The following IRF9 variants were observed in gnomAD, a reference collection of about 807,000 sequenced individuals.
The protein encoded by IRF9 is interferon regulatory factor 9.
In IRF9, 13 loss-of-function variants were observed where a neutral mutation model predicts 44.1. The ratio of observed to expected loss-of-function variants is 0.29; its 90% confidence interval spans 0.19 to 0.47. The LOEUF (loss-of-function observed/expected upper bound fraction) is 0.47. Among genes scored for constraint, IRF9 ranks in the 20% least tolerant of loss-of-function variants. IRF9 has a pLI of 1.00. For missense variants in IRF9, 373 were observed against 496.1 expected (o/e 0.75, Z 2.36); for synonymous variants, 189 against 188.5 (o/e 1.00, Z -0.02).
chr14:24,165,580 G>A (rs540908108), intron 7 of IRF9: 16 of 543,772 alleles, frequency 2.9e-5, no homozygotes, highest in Non-Finnish European at 5.3e-5. Flanking sequence ...GCTGCTACCT[G>A]GGAGGACTCT....
At position 24,165,840 on chromosome 14, in the gene IRF9, C is replaced by T. The variant is rs769727828; in HGVS notation, c.992-7C>T. On this transcript the variant is annotated splice_region_variant and splice_polypyrimidine_tract_variant and intron_variant, in intron 7 of 8. Transcript: ENST00000396864. ...GTTCTTCGAACCCTTGACCCTTTCT[C>T]TTTCAGACTTGGTCAGGTACTTTCA... is the stretch of plus-strand genomic sequence containing the variant. The T allele has an allele frequency of 1.2e-6, 2 of 1,605,584 alleles. No individual in the cohort carries two copies. Among genetic ancestry groups the T allele is most frequent in the African/African-American group, 1.3e-5 (1 of 74,832 alleles).
In IRF9 at chr14:24,165,010, C is replaced by T. The variant is rs114712371; in HGVS notation, c.991+55C>T. ...TTCCACCCCCTACCTCTTAGTACCC[C>T]CTGGGCCCAACTTGTTGGGTCCTGC... On this transcript the variant is annotated intron_variant, in intron 7 of 8. Transcript: ENST00000396864. 1,441 of 1,553,610 alleles carry T rather than the reference C, an allele frequency of 9.3e-4. 15 individuals carry two copies. In the African/African-American group the frequency reaches 0.018, roughly 19 times the overall value.
intron 1 of IRF9, among the ~76,000 whole-genome samples, chr14:24,161,690 G>T (rs1174611818): frequency 6.6e-6 from 1 of 152,208 alleles, no homozygotes; most frequent in African/African-American, 2.4e-5. Flanking sequence ...GCCGGCAGGG[G>T]GTGGGGGTCA....
At chr14:24,162,496 T>G (rs1053896670) in intron 2 of IRF9, 172 bp downstream of exon 2, 3 of 688,266 alleles carry the variant, frequency 4.4e-6, no homozygotes, top group African/African-American at 1.9e-5. Flanking sequence ...TGTGGAGGCC[T>G]TGTTCAAAAA....
In IRF9 at chr14:24,164,084, C is replaced by T. The variant is rs149763750; in HGVS notation, c.599C>T (p.Pro200Leu). Reference protein sequence around the residue: ...PQEVTDTTEAPFQGDQRSLEF... With the variant: ...PQEVTDTTEALFQGDQRSLEF... The stretch of plus-strand genomic sequence containing the variant: ...CCAGTTACAGACACAACTGAGGCCC[C>T]CTTTCAAGGGGATCAGAGGTCCCTG... Residue 200 changes from proline (P) to leucine (L), a missense_variant, in exon 6 of 9, where the codon CCC becomes CTC. Physicochemically the swap from Pro to Leu is moderately conservative, Grantham distance 98. Transcript: ENST00000396864. This position sits in a 1 kb window ranked among gnomAD's most constrained non-coding sequence, Gnocchi z 5.2. The T allele has an allele frequency of 3.0e-5, 49 of 1,614,150 alleles. No individual in the cohort carries two copies. In the African/African-American group the frequency reaches 4.5e-4, roughly 15 times the overall value.
rs182042925 is a variant in IRF9, at chr14:24,165,822, G to C, written c.992-25G>C. The C allele has an allele frequency of 5.8e-6, 9 of 1,554,528 alleles. No homozygotes were observed. The South Asian group carries it at 9.0e-5, about 16-fold the overall frequency. On this transcript the variant is annotated intron_variant, in intron 7 of 8. Transcript: ENST00000396864. Reference sequence around the variant, plus strand: ...GCCCTCTCTCTTCTTTTTGTTCTTCGAACCCTTGACCCTTTCTCTTTCAGA... The same window carrying C: ...GCCCTCTCTCTTCTTTTTGTTCTTCCAACCCTTGACCCTTTCTCTTTCAGA...
At chr14:24,165,257 T>C in intron 7 of IRF9, 1 of 696,164 alleles carries the variant, frequency 1.4e-6, no homozygotes, top group East Asian at 2.7e-5. Context: ...TATGTGAAGG[T>C]GCACAGAAGA....
Position 24,162,180 on chromosome 14 carries a change from C to A in IRF9, c.36C>A (p.Leu12=), listed in dbSNP as rs770519852. 3 of 1,614,096 alleles carry A rather than the reference C, an allele frequency of 1.9e-6. No individual in the cohort carries two copies. The South Asian group carries it at 3.3e-5, about 18-fold the overall frequency. ...ASGRARCTRK[L]RNWVVEQVES... Reference sequence around the variant, plus strand: ...GCAGGGCACGCTGCACCCGAAAACTCCGGAACTGGGTGGTGGAGCAAGTGG... The same window carrying A: ...GCAGGGCACGCTGCACCCGAAAACTACGGAACTGGGTGGTGGAGCAAGTGG... Residue 12 remains leucine (L), a synonymous_variant, in exon 2 of 9, where the codon CTC becomes CTA. Transcript: ENST00000396864.
intron 2 of IRF9, 83 bp downstream of exon 2, chr14:24,162,407 C>A: frequency 7.3e-7 from 1 of 1,365,450 alleles, no homozygotes; most frequent in South Asian, 1.4e-5. Flanking sequence ...GCACTTGCGT[C>A]TGCCTGGGTT....
Position 24,164,308 on chromosome 14 carries a change from A to G in IRF9, c.649+174A>G, listed in dbSNP as rs1483970688. On this transcript the variant is annotated intron_variant, in intron 6 of 8. Coordinates refer to ENST00000396864, the MANE Select transcript of IRF9 (RefSeq NM_006084.5). The surrounding 1 kb of genome is among the most constrained non-coding windows in gnomAD (Gnocchi z 5.2). The stretch of plus-strand genomic sequence containing the variant: ...ATTCCATATGCCTGGCCAGACTCCA[A>G]AAAGCTTGCTTCCCAAAAATACCAC... The G allele has an allele frequency of 1.5e-6, 1 of 653,282 alleles. No homozygotes were observed. The highest frequency in any genetic ancestry group is 1.8e-5 in the African/African-American group (1 of 54,470). 40.5% of individuals were successfully genotyped at this position (653,282 alleles called of 1,614,324 possible).
At chr14:24,162,087 G>A in intron 1 of IRF9, 57 bp from the exon 2 acceptor site, 1 of 1,539,512 alleles carries the variant, frequency 6.5e-7, no homozygotes. Flanking sequence ...AGGGTCTCAG[G>A]AGATGTTCCC....
At position 24,164,106 on chromosome 14, in the gene IRF9, C is replaced by G; in HGVS notation, c.621C>G (p.Ser207=). ...CCCCCTTTCAAGGGGATCAGAGGTC[C>G]CTGGAGTTTCTGCTTCCTCCAGAGC... ...TEAPFQGDQR[S]LEFLLPPEPD... is the part of the protein sequence containing the mutation. The change falls in exon 6 of 9, where the codon TCC becomes TCG. Residue 207 remains serine (S), a synonymous_variant. Transcript: ENST00000396864. This position sits in a 1 kb window ranked among gnomAD's most constrained non-coding sequence, Gnocchi z 5.2. The G allele has an allele frequency of 6.2e-7, 1 of 1,614,134 alleles. No homozygotes were observed. Among genetic ancestry groups the G allele is most frequent in the South Asian group, 1.1e-5 (1 of 91,086 alleles).
rs368018498 is a variant in IRF9 at position 24,162,311 on chromosome 14, C to G, written c.167C>G (p.Ala56Gly). ...GKQDFREDQD[A>G]AFFKAWAIFK... ...CAGGACTTCCGGGAGGACCAGGATG[C>G]TGCCTTCTTCAAGGTGAAAGGGCCT... Residue 56 changes from alanine (A) to glycine (G), a missense_variant, in exon 2 of 9, where the codon GCT becomes GGT. Physicochemically the swap from Ala to Gly is moderately conservative, Grantham distance 60. Around this residue, in one of 2 missense-constraint regions of IRF9, gnomAD observed 227 missense variants for 255.3 expected, o/e 0.89. Coordinates refer to ENST00000396864, the MANE Select transcript of IRF9 (RefSeq NM_006084.5). 2.2e-5 allele frequency: 35 copies of G among 1,613,568 alleles called. No homozygotes were observed. Among genetic ancestry groups the G allele is most frequent in the Non-Finnish European group, 2.9e-5 (34 of 1,179,776 alleles).
chr14:24,162,289 G>GA lies in IRF9; in HGVS notation c.146dup (p.Asp49GlufsTer18). On this transcript the variant is annotated frameshift_variant, in exon 2 of 9. Coordinates refer to ENST00000396864, the MANE Select transcript of IRF9 (RefSeq NM_006084.5). LOFTEE classifies it high-confidence loss of function. ...TCCCTGGAAACATGCAGGCAAGCAG[G>GA]ACTTCCGGGAGGACCAGGATGCTGC... 1 of 1,614,164 alleles carries GA rather than the reference G, an allele frequency of 6.2e-7. No individual in the cohort carries two copies. The highest frequency in any genetic ancestry group is 8.5e-7 in the Non-Finnish European group (1 of 1,180,022).
rs1239423012 is a variant in IRF9 at position 24,162,487 on chromosome 14, G to A, written c.180+163G>A. On this transcript the variant is annotated intron_variant, in intron 2 of 8. Coordinates refer to ENST00000396864, the MANE Select transcript of IRF9 (RefSeq NM_006084.5). ...GCAGAGTCCAGTACAAAATGAAAAT[G>A]TGGAGGCCTTGTTCAAAAATTTTAG... is the stretch of plus-strand genomic sequence containing the variant. The A allele has an allele frequency of 1.6e-5, 12 of 729,032 alleles. No homozygotes were observed. The African/African-American group carries it at 2.0e-4, about 12-fold the overall frequency. 45.2% of individuals were successfully genotyped at this position (729,032 alleles called of 1,614,324 possible).
rs747891473 is a variant in IRF9 at position 24,164,552 on chromosome 14, G to A, written c.650-62G>A. 2 of 1,483,124 alleles carry A rather than the reference G, an allele frequency of 1.3e-6. No homozygotes were observed. The highest frequency in any genetic ancestry group is 1.8e-4 in the Middle Eastern group (1 of 5,572). The allele number at this position is 1,483,124 out of a possible 1,614,324, so 91.9% of individuals were successfully genotyped here. ...GAGGGGAGGTGGAGTTGTTCCCCTG[G>A]GGAGGGGCTGCTGCCAGCCTGCATG... On this transcript the variant is annotated intron_variant, in intron 6 of 8. Coordinates refer to ENST00000396864, the MANE Select transcript of IRF9 (RefSeq NM_006084.5). The surrounding 1 kb of genome is among the most constrained non-coding windows in gnomAD (Gnocchi z 5.2).
At chr14:24,162,886 C>A in intron 2 of IRF9, 80 bp from the exon 3 acceptor site, 1 of 1,128,888 alleles carries the variant, frequency 8.9e-7, no homozygotes, top group Admixed American at 2.1e-5. Context: ...CAGAGCTGCA[C>A]GCCTGTAAAG....
chr14:24,162,844 G>A, intron 2 of IRF9, 122 bp from the exon 3 acceptor site: 2 of 714,680 alleles, frequency 2.8e-6, no homozygotes, highest in South Asian at 4.0e-5. Flanking sequence ...TGGCAACGCA[G>A]AGCACAGACC....
chr14:24,165,651 T>C (rs538051585), intron 7 of IRF9, 196 bp from the exon 8 acceptor site: 14 of 586,880 alleles, frequency 2.4e-5, no homozygotes, highest in Non-Finnish European at 3.9e-5. Flanking sequence ...TAAGCACTTA[T>C]ATGAGGCAGG....
Sources: allele counts gnomAD v4.1 joint callset (sites outside exome capture counted in the v4.1 genomes callset), GRCh38; gene constraint gnomAD v4.1.1; regional missense constraint gnomAD v4.1.1; non-coding constraint Gnocchi (gnomAD v3.1); transcripts MANE v1.5; gene names NCBI Gene and HGNC (gene_info 2026-07-23, HGNC 2026-07-21).